RMND1: variants seen among roughly 807,000 people sequenced by gnomAD.
RMND1 encodes the protein required for meiotic nuclear division 1 homolog.
Under a neutral mutation model 54.0 loss-of-function variants are expected in RMND1, and 41 were observed. The ratio of observed to expected loss-of-function variants is 0.76; its 90% CI spans 0.59 to 0.98. RMND1 has a LOEUF of 0.98. Among genes scored for constraint, RMND1 ranks in the 50% least tolerant of loss-of-function variants. The pLI is 0.00. For missense variants in RMND1, 457 were observed against 532.0 expected, an observed-to-expected ratio of 0.86 and a Z score of 1.39; for synonymous variants, 183 against 181.7, an observed-to-expected ratio of 1.01 and a Z score of -0.06.
chr6:151,409,230 CG>C (rs1264187721), intron 10 of RMND1, among the ~76,000 whole-genome samples: 3 of 152,122 alleles, frequency 2.0e-5, no homozygotes, highest in Non-Finnish European at 4.4e-5. Flanking sequence ...GGCTTGAAGA[CG>C]GGTCAGTATG....
chr6:151,451,148 C>T (rs1781174709), intron 1 of RMND1, among the ~76,000 whole-genome samples: 2 of 149,416 alleles, frequency 1.3e-5, no homozygotes, highest in African/African-American at 4.9e-5. Context: ...CACTATTGTC[C>T]TATGACCCTG....
At chr6:151,410,263 G>T (rs184976781) in intron 10 of RMND1, among the ~76,000 whole-genome samples, 64 of 152,162 alleles carry the variant, frequency 4.2e-4, no homozygotes, top group Admixed American at 3.5e-3. Context: ...CACCATGTTA[G>T]CCAGGATGGT....
intron 10 of RMND1, among the ~76,000 whole-genome samples, chr6:151,412,080 A>T (rs1582942731): frequency 6.6e-6 from 1 of 151,908 alleles, no homozygotes; most frequent in Non-Finnish European, 1.5e-5. Context: ...GCTCACTGCA[A>T]CCTCTGCCCC....
chr6:151,407,303 C>G (rs1779659320), intron 10 of RMND1, among the ~76,000 whole-genome samples: 2 of 152,020 alleles, frequency 1.3e-5, no homozygotes, highest in South Asian at 2.1e-4. Context: ...TTCCTTTCCC[C>G]TCCCTGTTTT....
At chr6:151,444,242 T>C (rs1582969196) in intron 2 of RMND1, among the ~76,000 whole-genome samples, 2 of 152,228 alleles carry the variant, frequency 1.3e-5, no homozygotes, top group Non-Finnish European at 2.9e-5. Context: ...TTCAGGTTTT[T>C]ACACTTAATG....
At chr6:151,419,308 A>C (rs1780089393) in intron 9 of RMND1, among the ~76,000 whole-genome samples, 1 of 150,224 alleles carries the variant, frequency 6.7e-6, no homozygotes, top group African/African-American at 2.5e-5. Flanking sequence ...CAAGCAATCC[A>C]CCTGTCTCAG....
At chr6:151,407,290 C>T (rs1313783258) in intron 10 of RMND1, among the ~76,000 whole-genome samples, 1 of 152,104 alleles carries the variant, frequency 6.6e-6, no homozygotes, top group Non-Finnish European at 1.5e-5. Context: ...TGCCTCTTCC[C>T]TCTTCCTTTC....
chr6:151,405,138 G>T lies in RMND1; in HGVS notation c.*97C>A. On this transcript the variant is annotated 3_prime_UTR_variant, in exon 12 of 12. Transcript: ENST00000444024. Reference sequence around the variant, plus strand: ...ACCCTTCTTGGCCTCCGAAAGTGCTGGGATTACAGGCATGAGGCACCGCGC... The same window carrying T: ...ACCCTTCTTGGCCTCCGAAAGTGCTTGGATTACAGGCATGAGGCACCGCGC... The T allele has an allele frequency of 9.3e-7, 1 of 1,074,470 alleles. No homozygotes were observed. Among genetic ancestry groups the T allele is most frequent in the Non-Finnish European group, 1.4e-6 (1 of 704,240 alleles). The allele number at this position is 1,074,470 out of a possible 1,614,324, so 66.6% of individuals were successfully genotyped here.
Position 151,445,803 on chromosome 6 carries a change from G to A in RMND1, c.9C>T (p.Ala3=). 1.2e-6 allele frequency: 2 copies of A among 1,603,374 alleles called. No individual in the cohort carries two copies. The highest frequency in any genetic ancestry group is 1.7e-6 in the Non-Finnish European group (2 of 1,173,888). MP[A]TLLRAVARSH... ...ATCTGGCCACGGCTCTGAGGAGTGT[G>A]GCTGGCATTACCACATCCCAAGCTA... Residue 3 remains alanine, a synonymous_variant, in exon 2 of 12, where the codon GCC becomes GCT. Coordinates refer to ENST00000444024, the MANE Select transcript of RMND1 (RefSeq NM_017909.4).
intron 10 of RMND1, among the ~76,000 whole-genome samples, chr6:151,411,082 C>A (rs1214718796): frequency 6.6e-6 from 1 of 152,166 alleles, no homozygotes; most frequent in Non-Finnish European, 1.5e-5. Flanking sequence ...GCCTCAGCCC[C>A]TCAAGTACCT....
intron 3 of RMND1, among the ~76,000 whole-genome samples, chr6:151,435,358 C>T (rs191690473): frequency 9.9e-5 from 15 of 152,078 alleles, no homozygotes; most frequent in African/African-American, 3.4e-4. Flanking sequence ...GTTGGCCAGG[C>T]TGGTCTCGAA....
chr6:151,423,376 G>C (rs1780207917), intron 7 of RMND1, 149 bp downstream of exon 7: 2 of 592,292 alleles, frequency 3.4e-6, no homozygotes, highest in Non-Finnish European at 6.0e-6. Context: ...TTTTATACTA[G>C]ATATTTTTTC....
intron 2 of RMND1, among the ~76,000 whole-genome samples, chr6:151,444,146 TC>T (rs1455587276): frequency 1.3e-5 from 2 of 152,210 alleles, no homozygotes; most frequent in African/African-American, 4.8e-5. Context: ...ATCAGCTTCT[TC>T]CTAAGAAACC....
At chr6:151,415,034 CTAAA>C (rs1470969291) in intron 10 of RMND1, among the ~76,000 whole-genome samples, 2 of 145,954 alleles carry the variant, frequency 1.4e-5, no homozygotes, top group African/African-American at 5.2e-5. Context: ...AAAAGAATGG[CTAAA>C]TAAAGTTCTT....
chr6:151,434,001 G>A (rs756105087), intron 3 of RMND1, among the ~76,000 whole-genome samples: 2 of 118,446 alleles, frequency 1.7e-5, no homozygotes, highest in African/African-American at 3.3e-5. Context: ...ATGTGCCACC[G>A]CACCTGGCTA....
At chr6:151,427,346 A>C in intron 6 of RMND1, 136 bp downstream of exon 6, 1 of 507,348 alleles carries the variant, frequency 2.0e-6, no homozygotes, top group Non-Finnish European at 3.6e-6. Context: ...ACTGCACTCC[A>C]TCCTGGGCGA....
chr6:151,445,301 A>G lies in RMND1; in HGVS notation c.504+7T>C, dbSNP rs1237800016. The G allele has an allele frequency of 1.9e-6, 3 of 1,601,504 alleles. No homozygotes were observed. Among genetic ancestry groups the G allele is most frequent in the South Asian group, 2.2e-5 (2 of 89,574 alleles). The stretch of plus-strand genomic sequence containing the variant: ...AAGCACGAGAGCCACGGCCACCCCT[A>G]CTTTACCTCGTTCACAGACAGAACT... On this transcript the variant is annotated splice_region_variant and intron_variant, in intron 2 of 11. Transcript: ENST00000444024.
At chr6:151,429,230 T>G (rs13208555) in intron 5 of RMND1, among the ~76,000 whole-genome samples, 10,557 of 152,132 alleles carry the variant, frequency 0.069, 455 homozygotes, top group Non-Finnish European at 0.1. Flanking sequence ...TAAGCGATTC[T>G]TGTGCCTCAG....
chr6:151,441,810 A>G (rs1173128360), intron 2 of RMND1, among the ~76,000 whole-genome samples: 7 of 152,158 alleles, frequency 4.6e-5, no homozygotes, highest in Admixed American at 1.3e-4. Context: ...ACTTTATATA[A>G]AAAACCCAGT....
Sources: allele counts gnomAD v4.1 joint callset (sites outside exome capture counted in the v4.1 genomes callset), GRCh38; gene constraint gnomAD v4.1.1; transcripts MANE v1.5; gene names NCBI Gene and HGNC (gene_info 2026-07-23, HGNC 2026-07-21).